BBX: variants seen among roughly 807,000 people sequenced by gnomAD.
BBX encodes BBX high mobility group box domain containing.
BBX carries 30 observed loss-of-function variants against 100.2 expected under a neutral mutation model. The ratio of observed to expected loss-of-function variants is 0.30; its 90% CI spans 0.22 to 0.41. The LOEUF (loss-of-function observed/expected upper bound fraction) is 0.41, where lower values mean the gene tolerates loss of function less well. Among genes scored for constraint, BBX ranks in the 10% least tolerant of loss-of-function variants. BBX has a pLI of 1.00. For missense variants in BBX, 1,023 were observed against 1,129.8 expected, an observed-to-expected ratio of 0.91 and a Z score of 1.35; for synonymous variants, 376 against 388.1, an observed-to-expected ratio of 0.97 and a Z score of 0.37.
chr3:107,608,988 A>G (rs73204891), intron 2 of BBX, among the ~76,000 whole-genome samples: 27 of 152,310 alleles, frequency 1.8e-4, no homozygotes, highest in Non-Finnish European at 4.0e-4. Flanking sequence ...ATATATGATC[A>G]TATCATCTGC....
At chr3:107,630,410 G>T (rs780683545) in intron 2 of BBX, among the ~76,000 whole-genome samples, 3 of 151,868 alleles carry the variant, frequency 2.0e-5, no homozygotes, top group African/African-American at 7.3e-5. Flanking sequence ...TCCTTTGCAC[G>T]ATGCGAGGGG....
intron 2 of BBX, among the ~76,000 whole-genome samples, chr3:107,566,292 C>T (rs1259600187): frequency 6.6e-6 from 1 of 150,976 alleles, no homozygotes; most frequent in Non-Finnish European, 1.5e-5. Flanking sequence ...GTTAAACATC[C>T]TTACATTTCT....
At chr3:107,678,788 C>T (rs925281602) in intron 3 of BBX, among the ~76,000 whole-genome samples, 2 of 151,944 alleles carry the variant, frequency 1.3e-5, no homozygotes, top group African/African-American at 4.8e-5. Context: ...GTTTATAGTC[C>T]ATGATTAATT....
chr3:107,728,638 G>T, intron 5 of BBX, 127 bp from the exon 6 acceptor site: 2 of 749,270 alleles, frequency 2.7e-6, no homozygotes, highest in Non-Finnish European at 2.2e-6. Context: ...TCTACAAGGA[G>T]AGCCACAGAA....
intron 2 of BBX, among the ~76,000 whole-genome samples, chr3:107,596,788 A>G (rs2053693358): frequency 6.6e-6 from 1 of 152,180 alleles, no homozygotes; most frequent in African/African-American, 2.4e-5. Flanking sequence ...TTAGAAAACA[A>G]AACTGTTTGG....
At chr3:107,771,423 A>G (rs578206722) in intron 10 of BBX, among the ~76,000 whole-genome samples, 23 of 152,246 alleles carry the variant, frequency 1.5e-4, no homozygotes, top group African/African-American at 5.3e-4. Context: ...TTGATGAGAA[A>G]TATAAAAACT....
intron 3 of BBX, among the ~76,000 whole-genome samples, chr3:107,698,025 G>A (rs1052787981): frequency 9.9e-5 from 15 of 151,872 alleles, no homozygotes; most frequent in African/African-American, 2.7e-4. Flanking sequence ...TGCGCTTCCC[G>A]AGTGAGGCAA....
At chr3:107,564,097 T>C (rs2050702367) in intron 2 of BBX, among the ~76,000 whole-genome samples, 1 of 151,960 alleles carries the variant, frequency 6.6e-6, no homozygotes, top group Admixed American at 6.6e-5. Context: ...TTGCAGAAAA[T>C]AGTATCTTGT....
At chr3:107,542,326 T>C (rs1157462118) in intron 2 of BBX, among the ~76,000 whole-genome samples, 1 of 152,216 alleles carries the variant, frequency 6.6e-6, no homozygotes, top group Non-Finnish European at 1.5e-5. Context: ...TTTCTATAGA[T>C]TGTCATTACT....
intron 15 of BBX, among the ~76,000 whole-genome samples, chr3:107,796,508 A>T (rs979765976): frequency 6.6e-5 from 10 of 152,248 alleles, no homozygotes; most frequent in African/African-American, 2.2e-4. Context: ...CAGAAGGGAC[A>T]GCTGATGGAT....
At chr3:107,764,723 G>C (rs1350621067) in intron 10 of BBX, among the ~76,000 whole-genome samples, 1 of 152,156 alleles carries the variant, frequency 6.6e-6, no homozygotes, top group Non-Finnish European at 1.5e-5. Flanking sequence ...GGCATGTACT[G>C]TTTCAAAGCC....
intron 10 of BBX, among the ~76,000 whole-genome samples, chr3:107,766,799 A>G (rs527745407): frequency 6.6e-6 from 1 of 152,306 alleles, no homozygotes; most frequent in Admixed American, 6.5e-5. Flanking sequence ...AAGACTTGGA[A>G]CCAGCCCAAT....
At chr3:107,788,026 A>G (rs1233425546) in intron 13 of BBX, among the ~76,000 whole-genome samples, 4 of 152,196 alleles carry the variant, frequency 2.6e-5, no homozygotes, top group Non-Finnish European at 4.4e-5. Flanking sequence ...AAGATAGTAT[A>G]AGATTGCTGA....
At chr3:107,795,151 A>G (rs141490746) in intron 15 of BBX, among the ~76,000 whole-genome samples, 73 of 152,308 alleles carry the variant, frequency 4.8e-4, no homozygotes, top group African/African-American at 1.6e-3. Flanking sequence ...GGGAGGAACT[A>G]GCTTGCTATC....
At chr3:107,754,323 T>C (rs1476645722) in intron 9 of BBX, among the ~76,000 whole-genome samples, 1 of 152,178 alleles carries the variant, frequency 6.6e-6, no homozygotes, top group Non-Finnish European at 1.5e-5. Context: ...AAGGTAGAAG[T>C]AGCATTTATC....
intron 2 of BBX, among the ~76,000 whole-genome samples, chr3:107,585,511 C>T (rs2052765282): frequency 6.6e-6 from 1 of 152,120 alleles, no homozygotes; most frequent in African/African-American, 2.4e-5. Flanking sequence ...ATTAAAAAGT[C>T]TTTAAATTGT....
At position 107,710,607 on chromosome 3, in the gene BBX, G is replaced by A. The variant is rs369694155; in HGVS notation, c.147G>A (p.Glu49=). 4 of 1,611,388 alleles carry A rather than the reference G, an allele frequency of 2.5e-6. No homozygotes were observed. In the South Asian group the frequency reaches 3.3e-5, roughly 13 times the overall value. ...FSEEEEEEDE[E]EDIDKVQLLG... ...AAGAGGAAGAAGAGGAAGACGAAGA[G>A]GAGGATATTGATAAGGTAAGTCCTA... The change falls in exon 4 of 18, where the codon GAG becomes GAA. Residue 49 remains glutamate, a synonymous_variant. Transcript: ENST00000325805.
intron 3 of BBX, among the ~76,000 whole-genome samples, chr3:107,709,255 A>AT (rs1358817356): frequency 1.3e-5 from 2 of 152,196 alleles, no homozygotes; most frequent in African/African-American, 4.8e-5. Context: ...TTGGTGAATA[A>AT]TTTTTTGAAG....
chr3:107,801,433 A>G, intron 17 of BBX, 152 bp downstream of exon 17: 1 of 774,526 alleles, frequency 1.3e-6, no homozygotes, highest in Middle Eastern at 3.7e-4. Context: ...ATATATGCTA[A>G]TTAGCAGTGC....
Sources: allele counts gnomAD v4.1 joint callset (sites outside exome capture counted in the v4.1 genomes callset), GRCh38; gene constraint gnomAD v4.1.1; transcripts MANE v1.5; gene names NCBI Gene and HGNC (gene_info 2026-07-23, HGNC 2026-07-21).